The following FARP1 variants were observed in gnomAD, a reference collection of about 807,000 sequenced individuals.
FARP1 encodes FERM, ARH/RhoGEF and pleckstrin domain protein 1.
Under a neutral mutation model 128.8 loss-of-function variants are expected in FARP1, and 52 were observed. The ratio of observed to expected loss-of-function variants is 0.40; its 90% CI spans 0.32 to 0.51. The LOEUF (loss-of-function observed/expected upper bound fraction) is 0.51, where lower values mean the gene tolerates loss of function less well. FARP1 is among the 20% of genes least tolerant of loss of function. FARP1 has a pLI of 0.45. For synonymous variants in FARP1, 580 were observed against 551.8 expected, an observed-to-expected ratio of 1.05 and a Z score of -0.72; for missense variants, 1,333 against 1,367.9, an observed-to-expected ratio of 0.97 and a Z score of 0.40.
chr13:98,329,180 C>A (rs1246697574), intron 2 of FARP1: 9 of 152,244 alleles, frequency 5.9e-5, no homozygotes, highest in African/African-American at 2.2e-4. Context: ...TCCTGTGTGA[C>A]CGTCACATGA....
intron 2 of FARP1, among the ~76,000 whole-genome samples, chr13:98,248,560 A>G (rs1331141676): frequency 6.6e-6 from 1 of 152,186 alleles, no homozygotes; most frequent in Admixed American, 6.5e-5. Flanking sequence ...ACCACACTGG[A>G]TAACACATTC....
At chr13:98,330,242 A>T (rs79008473) in intron 2 of FARP1, among the ~76,000 whole-genome samples, 2,141 of 152,258 alleles carry the variant, frequency 0.014, 23 homozygotes, top group Non-Finnish European at 0.019. Context: ...GGGGTGGGGC[A>T]GATCACTGGG....
chr13:98,355,085 T>C (rs1237540589), intron 3 of FARP1, among the ~76,000 whole-genome samples: 2 of 152,184 alleles, frequency 1.3e-5, no homozygotes, highest in East Asian at 3.8e-4. Context: ...AGATGTCTCA[T>C]GCCTGTAATC....
intron 26 of FARP1, 145 bp downstream of exon 26, chr13:98,446,962 A>G (rs1032383507): frequency 6.4e-6 from 5 of 787,238 alleles, no homozygotes; most frequent in African/African-American, 5.2e-5. Flanking sequence ...ACTGCCCGAC[A>G]CCAGCAGGCG....
At chr13:98,327,470 G>T (rs2139812585) in intron 2 of FARP1, among the ~76,000 whole-genome samples, 2 of 152,278 alleles carry the variant, frequency 1.3e-5, no homozygotes, top group African/African-American at 2.4e-5. Context: ...CATAACAAGG[G>T]ACTTAAACTG....
chr13:98,392,323 C>CAAAAAAAAAAA (rs11289484), intron 11 of FARP1, among the ~76,000 whole-genome samples: 1 of 60,410 alleles, frequency 1.7e-5, no homozygotes, highest in African/African-American at 6.6e-5. Context: ...CATCTCTACC[C>CAAAAAAAAAAA]AAAAAAAAAA....
intron 24 of FARP1, among the ~76,000 whole-genome samples, chr13:98,442,502 C>T (rs1013710226): frequency 6.6e-6 from 1 of 152,226 alleles, no homozygotes; most frequent in Non-Finnish European, 1.5e-5. Context: ...CAGCTGTCCC[C>T]ACATACGAGG....
At chr13:98,349,041 C>T (rs1235646600) in intron 3 of FARP1, among the ~76,000 whole-genome samples, 5 of 152,296 alleles carry the variant, frequency 3.3e-5, no homozygotes, top group East Asian at 1.9e-4. Context: ...CTGCACAAAC[C>T]GTAACAGCAG....
chr13:98,284,240 A>G (rs1885065801), intron 2 of FARP1, among the ~76,000 whole-genome samples: 1 of 152,176 alleles, frequency 6.6e-6, no homozygotes, highest in Non-Finnish European at 1.5e-5. Flanking sequence ...GTGTGGCCCA[A>G]GGCAATTCTT....
intron 2 of FARP1, among the ~76,000 whole-genome samples, chr13:98,222,252 C>T (rs1476635877): frequency 1.3e-5 from 2 of 152,098 alleles, no homozygotes; most frequent in Non-Finnish European, 2.9e-5. Context: ...ACGGGTTTCA[C>T]AAATGTGTAT....
intron 2 of FARP1, chr13:98,244,507 C>T (rs2139461558): frequency 5.0e-6 from 8 of 1,614,166 alleles, no homozygotes; most frequent in East Asian, 2.2e-5. Flanking sequence ...TCCTCATCCT[C>T]CTTCCTCAAA....
At chr13:98,241,227 C>A (rs9517225) in intron 2 of FARP1, among the ~76,000 whole-genome samples, 4 of 151,984 alleles carry the variant, frequency 2.6e-5, no homozygotes, top group Non-Finnish European at 5.9e-5. Context: ...GTGGGTGTGG[C>A]GGGCAGAGTT....
intron 18 of FARP1, chr13:98,434,072 T>C (rs1892153023): frequency 6.6e-6 from 1 of 152,252 alleles, no homozygotes; most frequent in African/African-American, 2.4e-5. Context: ...CCAATGGAGA[T>C]AGGCTATCCT....
chr13:98,333,896 C>T (rs934254420), intron 2 of FARP1: 1 of 152,132 alleles, frequency 6.6e-6, no homozygotes, highest in African/African-American at 2.4e-5. Flanking sequence ...GCCATCCAGT[C>T]TGCTGTTCAG....
chr13:98,164,946 G>A (rs753818185), intron 1 of FARP1, among the ~76,000 whole-genome samples: 1 of 152,246 alleles, frequency 6.6e-6, no homozygotes, highest in East Asian at 1.9e-4. Context: ...TGAGCGTGTT[G>A]GTGCATGACT....
At chr13:98,201,600 G>A (rs907091327) in intron 1 of FARP1, among the ~76,000 whole-genome samples, 2 of 152,174 alleles carry the variant, frequency 1.3e-5, no homozygotes, top group Admixed American at 6.5e-5. Flanking sequence ...ATTTAACTCG[G>A]TTTTGATTGG....
intron 3 of FARP1, among the ~76,000 whole-genome samples, chr13:98,352,180 C>G (rs1888461632): frequency 6.6e-6 from 1 of 152,068 alleles, no homozygotes; most frequent in African/African-American, 2.4e-5. Flanking sequence ...AAAGAACAAG[C>G]AGCTGGAGAC....
At chr13:98,244,812 A>T in intron 2 of FARP1, 2 of 1,516,794 alleles carry the variant, frequency 1.3e-6, no homozygotes, top group Non-Finnish European at 1.8e-6. Context: ...AGTGCCCAAT[A>T]AGTGATTTTT....
At chr13:98,162,444 C>T (rs191366740) in intron 1 of FARP1, among the ~76,000 whole-genome samples, 1 of 152,302 alleles carries the variant, frequency 6.6e-6, no homozygotes, top group African/African-American at 2.4e-5. Context: ...CTATTCCTAG[C>T]TCGGGGCATG....
Sources: allele counts gnomAD v4.1 joint callset (sites outside exome capture counted in the v4.1 genomes callset), GRCh38; gene constraint gnomAD v4.1.1; transcripts MANE v1.5; gene names NCBI Gene and HGNC (gene_info 2026-07-23, HGNC 2026-07-21).